CNGB3: variants seen among roughly 807,000 people sequenced by gnomAD.
The protein encoded by CNGB3 is cyclic nucleotide-gated channel beta-3.
Under a neutral mutation model 92.8 loss-of-function variants are expected in CNGB3, and 86 were observed. The ratio of observed to expected loss-of-function variants is 0.93; its 90% CI spans 0.78 to 1.11. The LOEUF (loss-of-function observed/expected upper bound fraction) is 1.11. CNGB3 is among the 50% of genes least tolerant of loss of function. CNGB3 has a pLI of 0.00. For missense variants in CNGB3, 1,026 were observed against 956.8 expected (o/e 1.07, Z -0.95); for synonymous variants, 333 against 332.7 (o/e 1.00, Z -0.01).
At chr8:86,727,378 A>C (rs1196517528) in intron 2 of CNGB3, among the ~76,000 whole-genome samples, 1 of 152,154 alleles carries the variant, frequency 6.6e-6, no homozygotes, top group African/African-American at 2.4e-5. Flanking sequence ...AATAGGAAAA[A>C]ATGTGATTGA....
chr8:86,607,615 G>T (rs1019339111), intron 14 of CNGB3, among the ~76,000 whole-genome samples: 8 of 152,122 alleles, frequency 5.3e-5, no homozygotes, highest in South Asian at 4.1e-4. Context: ...TCTTACTGCA[G>T]AAATATGAAT....
chr8:86,672,377 G>A (rs998709688), intron 3 of CNGB3, among the ~76,000 whole-genome samples: 24 of 152,172 alleles, frequency 1.6e-4, no homozygotes, highest in Admixed American at 6.5e-4. Flanking sequence ...AGGATTACAG[G>A]CTTGAGCCTC....
chr8:86,697,642 T>C (rs1824473539), intron 3 of CNGB3, among the ~76,000 whole-genome samples: 1 of 152,242 alleles, frequency 6.6e-6, no homozygotes, highest in South Asian at 2.1e-4. Context: ...TTTCTTATTT[T>C]ATTTAATTGT....
At chr8:86,594,497 C>T in intron 15 of CNGB3, 2 of 302,792 alleles carry the variant, frequency 6.6e-6, no homozygotes, top group Non-Finnish European at 1.3e-5. Context: ...CGACACGTAG[C>T]TCTGGAAGCC....
At chr8:86,643,252 A>C (rs1366074757) in intron 10 of CNGB3, among the ~76,000 whole-genome samples, 3 of 151,540 alleles carry the variant, frequency 2.0e-5, no homozygotes, top group African/African-American at 7.2e-5. Flanking sequence ...TGGGGTACTC[A>C]TGCAATTTTG....
intron 13 of CNGB3, among the ~76,000 whole-genome samples, chr8:86,625,154 A>T (rs1378972533): frequency 1.3e-5 from 2 of 151,968 alleles, no homozygotes; most frequent in Non-Finnish European, 2.9e-5. Context: ...ATTTTTTTTT[A>T]ATAGCAATGT....
chr8:86,594,030 C>T (rs542926871), intron 15 of CNGB3: 3 of 371,128 alleles, frequency 8.1e-6, no homozygotes, highest in Non-Finnish European at 1.6e-5. Flanking sequence ...GACATGAGGA[C>T]CCTGCCAAGC....
intron 15 of CNGB3, among the ~76,000 whole-genome samples, chr8:86,596,908 C>G (rs1822183944): frequency 6.6e-6 from 1 of 151,922 alleles, no homozygotes; most frequent in Non-Finnish European, 1.5e-5. Flanking sequence ...CCATCATTCT[C>G]AGCAAACTAT....
intron 13 of CNGB3, among the ~76,000 whole-genome samples, chr8:86,624,365 G>T (rs1365484792): frequency 6.6e-6 from 1 of 152,196 alleles, no homozygotes; most frequent in Non-Finnish European, 1.5e-5. Context: ...GTTGCAGTGG[G>T]CTGGGATTGT....
In CNGB3 at chr8:86,713,465, C is replaced by A. The variant is rs147749870; in HGVS notation, c.338+13066G>T. ...AGTATATAGTCAACTTTTATATATACTCTATGTAAACTTGAAACAACTGTT... is the reference window on the plus strand; with the variant it reads ...AGTATATAGTCAACTTTTATATATAATCTATGTAAACTTGAAACAACTGTT... On this transcript the variant is annotated intron_variant, in intron 3 of 17. Transcript: ENST00000320005. Among the ~76,000 whole-genome samples the A allele has an allele frequency of 3.7e-4, 57 of 152,254 alleles. 1 individual carries two copies. The East Asian group carries it at 0.011, about 28-fold the overall frequency.
intron 3 of CNGB3, among the ~76,000 whole-genome samples, chr8:86,709,109 G>T (rs182777016): frequency 6.6e-6 from 1 of 152,108 alleles, no homozygotes; most frequent in Non-Finnish European, 1.5e-5. Flanking sequence ...TAGGTGTTGT[G>T]GGAAAGAAAG....
chr8:86,643,899 A>G, intron 9 of CNGB3, 26 bp from the exon 10 acceptor site: 1 of 1,598,348 alleles, frequency 6.3e-7, no homozygotes, highest in Non-Finnish European at 8.5e-7. Context: ...GATGCAAAGT[A>G]AGATTCATGT....
intron 3 of CNGB3, among the ~76,000 whole-genome samples, chr8:86,686,490 G>T (rs1824190091): frequency 6.6e-6 from 1 of 152,110 alleles, no homozygotes; most frequent in Admixed American, 6.6e-5. Flanking sequence ...CAGTGTAAAA[G>T]ATATTACATC....
intron 3 of CNGB3, among the ~76,000 whole-genome samples, chr8:86,691,152 G>A (rs1824304245): frequency 6.6e-6 from 1 of 152,072 alleles, no homozygotes; most frequent in Non-Finnish European, 1.5e-5. Flanking sequence ...AAGGAGTTGA[G>A]TTCTTGATTT....
chr8:86,605,892 A>AT (rs1251597213), intron 14 of CNGB3, among the ~76,000 whole-genome samples: 1 of 152,226 alleles, frequency 6.6e-6, no homozygotes, highest in Non-Finnish European at 1.5e-5. Flanking sequence ...TTTAGTTAAC[A>AT]TCCAGGAAGC....
intron 2 of CNGB3, among the ~76,000 whole-genome samples, chr8:86,735,101 A>G (rs1306760602): frequency 9.2e-6 from 1 of 108,638 alleles, no homozygotes; most frequent in Non-Finnish European, 1.7e-5. Context: ...TATGAATTCA[A>G]CGTGATTGTA....
At chr8:86,672,662 C>T (rs1161938852) in intron 3 of CNGB3, among the ~76,000 whole-genome samples, 1 of 152,150 alleles carries the variant, frequency 6.6e-6, no homozygotes, top group Non-Finnish European at 1.5e-5. Flanking sequence ...GTAGATTCCA[C>T]TTAAGAAAAT....
At chr8:86,625,057 G>A (rs1277607048) in intron 13 of CNGB3, among the ~76,000 whole-genome samples, 2 of 152,126 alleles carry the variant, frequency 1.3e-5, no homozygotes, top group African/African-American at 4.8e-5. Flanking sequence ...AGCCTCCCCA[G>A]AAGCAGATGC....
At chr8:86,612,441 G>C (rs940895273) in intron 13 of CNGB3, among the ~76,000 whole-genome samples, 1 of 152,116 alleles carries the variant, frequency 6.6e-6, no homozygotes, top group East Asian at 1.9e-4. Context: ...ACATGTAACA[G>C]CTTTCCTCTT....
Sources: allele counts gnomAD v4.1 joint callset (sites outside exome capture counted in the v4.1 genomes callset), GRCh38; gene constraint gnomAD v4.1.1; transcripts MANE v1.5; gene names NCBI Gene and HGNC (gene_info 2026-07-23, HGNC 2026-07-21).